Variants in DENND4A observed in about 807,000 individuals in gnomAD.
The protein encoded by DENND4A is DENN domain containing 4A.
A neutral mutation model predicts 199.3 loss-of-function variants in DENND4A; 70 were observed. The observed-to-expected ratio is 0.35, with a 90% CI of 0.29 to 0.43. The LOEUF (loss-of-function observed/expected upper bound fraction) is 0.43, where lower values mean the gene tolerates loss of function less well. Ranked by LOEUF, DENND4A falls within the 20% of genes least tolerant of loss-of-function variation. DENND4A has a pLI of 1.00. For synonymous variants in DENND4A, 686 were observed against 766.9 expected, an observed-to-expected ratio of 0.89 and a Z score of 1.74; for missense variants, 1,723 against 2,255.8, an observed-to-expected ratio of 0.76 and a Z score of 4.78.
chr15:65,695,624 A>G (rs2077119541), intron 22 of DENND4A, among the ~76,000 whole-genome samples: 1 of 152,206 alleles, frequency 6.6e-6, no homozygotes, highest in South Asian at 2.1e-4. Flanking sequence ...ATGTTCTTCA[A>G]TATTTTTTAT....
intron 9 of DENND4A, among the ~76,000 whole-genome samples, chr15:65,730,996 G>C (rs963571174): frequency 2.0e-5 from 3 of 151,990 alleles, no homozygotes; most frequent in African/African-American, 7.2e-5. Flanking sequence ...CAAAGGTTAA[G>C]AAAACATTTG....
intron 15 of DENND4A, 103 bp from the exon 16 acceptor site, chr15:65,703,111 C>T (rs1368949995): frequency 1.2e-5 from 12 of 1,042,340 alleles, no homozygotes; most frequent in East Asian, 2.5e-5. Flanking sequence ...AACTTCTTCA[C>T]ATAGAATTTA....
intron 1 of DENND4A, among the ~76,000 whole-genome samples, chr15:65,762,687 T>G (rs2076881877): frequency 6.6e-6 from 1 of 152,176 alleles, no homozygotes; most frequent in Non-Finnish European, 1.5e-5. Flanking sequence ...AACAAAATAA[T>G]TCGGTATAAC....
chr15:65,710,026 G>A (rs1334292423), intron 14 of DENND4A, among the ~76,000 whole-genome samples: 1 of 151,962 alleles, frequency 6.6e-6, no homozygotes, highest in Admixed American at 6.6e-5. Context: ...TTTAAGCAAT[G>A]ATTCCAGTCA....
chr15:65,774,338 A>G (rs868135730), intron 1 of DENND4A, among the ~76,000 whole-genome samples: 1 of 151,920 alleles, frequency 6.6e-6, no homozygotes, highest in Non-Finnish European at 1.5e-5. Context: ...TAAAAATACA[A>G]AATTAGCCAG....
intron 32 of DENND4A, 106 bp from the exon 33 acceptor site, chr15:65,662,093 A>G (rs1596372137): frequency 1.1e-6 from 1 of 884,796 alleles, no homozygotes; most frequent in East Asian, 2.6e-5. Flanking sequence ...GAGGCCAAGA[A>G]GGAATTGCTA....
At chr15:65,684,758 C>T (rs1261756812) in intron 23 of DENND4A, among the ~76,000 whole-genome samples, 1 of 151,536 alleles carries the variant, frequency 6.6e-6, no homozygotes, top group Non-Finnish European at 1.5e-5. Context: ...TGGTATCATA[C>T]CTAAGAATTC....
intron 14 of DENND4A, among the ~76,000 whole-genome samples, chr15:65,709,814 T>C (rs1025463888): frequency 2.0e-5 from 3 of 150,006 alleles, no homozygotes; most frequent in African/African-American, 7.3e-5. Context: ...AATTATGTTT[T>C]AATGCATTAA....
chr15:65,734,049 A>G (rs917673818), intron 7 of DENND4A, among the ~76,000 whole-genome samples: 5 of 152,156 alleles, frequency 3.3e-5, no homozygotes, highest in Non-Finnish European at 7.3e-5. Context: ...GAAAGACCTG[A>G]CCGTCCCCTA....
chr15:65,680,541 T>G (rs1224512650), intron 23 of DENND4A: 1 of 152,206 alleles, frequency 6.6e-6, no homozygotes, highest in Non-Finnish European at 1.5e-5. Flanking sequence ...ATACAGATTA[T>G]GCATGTTTGA....
intron 22 of DENND4A, 27 bp from the exon 23 acceptor site, chr15:65,691,538 C>A (rs1261693875): frequency 4.0e-6 from 6 of 1,509,652 alleles, no homozygotes; most frequent in South Asian, 1.3e-5. Context: ...GTGCTTTTAG[C>A]CATGAAAATA....
intron 22 of DENND4A, among the ~76,000 whole-genome samples, chr15:65,692,917 A>C (rs2077020934): frequency 6.6e-6 from 1 of 152,180 alleles, no homozygotes; most frequent in Non-Finnish European, 1.5e-5. Flanking sequence ...TGCAAACTAT[A>C]CCAATGAGCC....
At chr15:65,697,086 T>C (rs2077171343) in intron 21 of DENND4A, 181 bp downstream of exon 21, 3 of 533,434 alleles carry the variant, frequency 5.6e-6, no homozygotes, top group East Asian at 6.4e-5. Flanking sequence ...TGAGGCTATA[T>C]ACTTCATACA....
intron 12 of DENND4A, among the ~76,000 whole-genome samples, chr15:65,720,852 G>A (rs533749899): frequency 8.0e-5 from 12 of 150,162 alleles, no homozygotes; most frequent in South Asian, 4.2e-4. Flanking sequence ...GCTATAAAGC[G>A]TTAGAGTCCT....
At chr15:65,670,825 T>G (rs1251618504) in intron 25 of DENND4A, among the ~76,000 whole-genome samples, 1 of 152,212 alleles carries the variant, frequency 6.6e-6, no homozygotes, top group African/African-American at 2.4e-5. Context: ...CTCCAGAAAC[T>G]TTGTAAAGTT....
intron 28 of DENND4A, 39 bp from the exon 29 acceptor site, chr15:65,667,742 A>C (rs200310738): frequency 6.3e-6 from 10 of 1,580,840 alleles, no homozygotes; most frequent in Non-Finnish European, 8.6e-6. Flanking sequence ...CAAATGCAAA[A>C]TAATACTAAG....
intron 1 of DENND4A, chr15:65,771,516 T>C (rs754161246): frequency 1.0e-4 from 167 of 1,611,496 alleles, no homozygotes; most frequent in Middle Eastern, 2.1e-4. Flanking sequence ...ATCAACTGGC[T>C]TAATAATGAC....
intron 4 of DENND4A, among the ~76,000 whole-genome samples, chr15:65,743,603 T>C (rs1354362023): frequency 6.6e-6 from 1 of 152,246 alleles, no homozygotes; most frequent in Non-Finnish European, 1.5e-5. Context: ...TTAAAAGTTA[T>C]TTGTTTAAAA....
intron 15 of DENND4A, among the ~76,000 whole-genome samples, chr15:65,704,141 T>C (rs2074968036): frequency 6.6e-6 from 1 of 152,184 alleles, no homozygotes; most frequent in South Asian, 2.1e-4. Context: ...TCATTGTATG[T>C]ATATGATGAG....
Sources: gnomAD v4.1 joint callset for allele counts (sites outside exome capture counted in the v4.1 genomes callset) on GRCh38, gnomAD v4.1.1 for gene constraint, MANE v1.5 for transcripts, NCBI Gene and HGNC (gene_info 2026-07-23, HGNC 2026-07-21) for gene names.